Variants in EYS observed in about 807,000 individuals in gnomAD.
The protein encoded by EYS is protein eyes shut homolog.
A neutral mutation model predicts 282.1 loss-of-function variants in EYS; 250 were observed. The observed-to-expected ratio is 0.89, with a 90% CI of 0.80 to 0.98. EYS has a LOEUF of 0.98. Among genes scored for constraint, EYS ranks in the 50% least tolerant of loss-of-function variants. The probability of loss-of-function intolerance (pLI) is 0.00; values close to 1 mark genes in which losing one functional copy is unlikely to be tolerated. For missense variants in EYS, 4,016 were observed against 3,709.0 expected (o/e 1.08, Z -2.15); for synonymous variants, 1,355 against 1,282.9 (o/e 1.06, Z -1.20).
chr6:65,580,281 A>C (rs1032837224), intron 2 of EYS, among the ~76,000 whole-genome samples: 8 of 152,146 alleles, frequency 5.3e-5, no homozygotes, highest in African/African-American at 1.4e-4. Context: ...TTTGAAATAA[A>C]AGTTAATTCA....
chr6:65,381,147 C>T (rs967363592), intron 8 of EYS, among the ~76,000 whole-genome samples: 20 of 152,216 alleles, frequency 1.3e-4, no homozygotes, highest in African/African-American at 4.8e-4. Context: ...AATCATTCTA[C>T]TATAAAGAAG....
At chr6:65,499,797 G>C (rs1271381934) in intron 2 of EYS, among the ~76,000 whole-genome samples, 1 of 151,884 alleles carries the variant, frequency 6.6e-6, no homozygotes, top group East Asian at 1.9e-4. Flanking sequence ...ATAAAACTGA[G>C]AGTACTAGAG....
chr6:65,497,344 G>A lies in EYS; in HGVS notation c.-332-1351C>T, dbSNP rs959517525. On this transcript the variant is annotated intron_variant, in intron 2 of 42. Coordinates refer to ENST00000503581, the MANE Select transcript of EYS (RefSeq NM_001142800.2). The stretch of plus-strand genomic sequence containing the variant: ...TCTAACAGTCTGAGACATGTAGCAA[G>A]GACATTTAGTCCAATCCAGGAAACA... Among the ~76,000 whole-genome samples the A allele has an allele frequency of 2.6e-5, 4 of 152,070 alleles. No individual in the cohort carries two copies. The South Asian group carries it at 6.2e-4, about 24-fold the overall frequency.
chr6:65,169,296 A>G (rs1306519969), intron 12 of EYS, among the ~76,000 whole-genome samples: 2 of 151,498 alleles, frequency 1.3e-5, no homozygotes, highest in Admixed American at 1.3e-4. Context: ...GGAATACCCA[A>G]TGTCCACATA....
intron 31 of EYS, among the ~76,000 whole-genome samples, chr6:64,095,688 T>G (rs180952569): frequency 1.2e-3 from 181 of 152,280 alleles, no homozygotes; most frequent in Middle Eastern, 0.01. Flanking sequence ...AGCACACTGA[T>G]GGGTCTTGAC....
chr6:64,590,732 C>A lies in EYS; in HGVS notation c.5135G>T (p.Gly1712Val). 1.9e-6 allele frequency: 3 copies of A among 1,551,006 alleles called. No individual in the cohort carries two copies. Among genetic ancestry groups the A allele is most frequent in the Non-Finnish European group, 2.6e-6 (3 of 1,146,524 alleles). Residue 1712 changes from glycine (G) to valine (V), a missense_variant, in exon 26 of 43, where the codon GGA becomes GTA. Coordinates refer to ENST00000503581, the MANE Select transcript of EYS (RefSeq NM_001142800.2). The part of the protein sequence containing the change: ...LKIRQYGITM[G>V]PTEVLNQESL... ...CTCTTGATTTAGTACCTCAGTGGGT[C>A]CCATAGTTATGCCATATTGTCTTAT...
intron 18 of EYS, among the ~76,000 whole-genome samples, chr6:64,896,768 G>A (rs1473301037): frequency 6.6e-6 from 1 of 152,060 alleles, no homozygotes; most frequent in South Asian, 2.1e-4. Flanking sequence ...AGTTGAGGGA[G>A]GGGCGTCTGC....
intron 12 of EYS, among the ~76,000 whole-genome samples, chr6:65,131,419 T>A (rs1456446216): frequency 6.6e-6 from 1 of 151,708 alleles, no homozygotes; most frequent in East Asian, 1.9e-4. Context: ...GTCAAGATTA[T>A]AAAAAAATCA....
At chr6:63,944,725 A>C (rs1765343904) in intron 35 of EYS, among the ~76,000 whole-genome samples, 4 of 152,080 alleles carry the variant, frequency 2.6e-5, no homozygotes, top group Admixed American at 2.6e-4. Flanking sequence ...GGTCAGTTTG[A>C]GACCAGCCTG....
intron 2 of EYS, among the ~76,000 whole-genome samples, chr6:65,582,260 A>C (rs1310194884): frequency 6.6e-6 from 1 of 151,924 alleles, no homozygotes; most frequent in Admixed American, 6.6e-5. Context: ...TTGATCTTTT[A>C]CCAGTGTTTT....
At chr6:63,962,031 G>C (rs1458580975) in intron 35 of EYS, among the ~76,000 whole-genome samples, 1 of 152,064 alleles carries the variant, frequency 6.6e-6, no homozygotes, top group Non-Finnish European at 1.5e-5. Flanking sequence ...TTTAATAAAC[G>C]GTGTTGGGAA....
intron 8 of EYS, among the ~76,000 whole-genome samples, chr6:65,364,707 TC>T (rs1764846936): frequency 6.6e-6 from 1 of 151,638 alleles, no homozygotes; most frequent in African/African-American, 2.4e-5. Flanking sequence ...AAAGTTCAGC[TC>T]CTTCTCCCCG....
intron 37 of EYS, among the ~76,000 whole-genome samples, chr6:63,799,502 GC>G (rs1456776180): frequency 2.0e-5 from 3 of 152,178 alleles, no homozygotes; most frequent in African/African-American, 7.2e-5. Context: ...AACTAGGATA[GC>G]CTCTGTCCAC....
chr6:65,394,247 T>C (rs1374707939), intron 7 of EYS, among the ~76,000 whole-genome samples: 1 of 152,070 alleles, frequency 6.6e-6, no homozygotes, highest in Non-Finnish European at 1.5e-5. Flanking sequence ...TGTGTGTGTG[T>C]GTGCAAAATG....
At chr6:65,382,630 A>G (rs1765661678) in intron 8 of EYS, among the ~76,000 whole-genome samples, 1 of 151,934 alleles carries the variant, frequency 6.6e-6, no homozygotes, top group Middle Eastern at 3.2e-3. Flanking sequence ...ACAGGGTCCC[A>G]CAGTAGGCTG....
chr6:64,920,644 C>T (rs1216628192), intron 15 of EYS, among the ~76,000 whole-genome samples: 1 of 152,012 alleles, frequency 6.6e-6, no homozygotes, highest in Admixed American at 6.5e-5. Flanking sequence ...TGTGTATATG[C>T]AAGTATAATA....
At chr6:64,381,751 A>T (rs1440559888) in intron 29 of EYS, among the ~76,000 whole-genome samples, 1 of 152,216 alleles carries the variant, frequency 6.6e-6, no homozygotes, top group African/African-American at 2.4e-5. Context: ...GTGATGCCAG[A>T]TGGTTTTTTA....
intron 2 of EYS, among the ~76,000 whole-genome samples, chr6:65,601,630 G>A (rs1765620154): frequency 6.6e-6 from 1 of 151,874 alleles, no homozygotes; most frequent in African/African-American, 2.4e-5. Flanking sequence ...ATCTAAGATG[G>A]AATAATAGCT....
At chr6:65,663,748 C>G (rs1475981351) in intron 1 of EYS, among the ~76,000 whole-genome samples, 1 of 152,160 alleles carries the variant, frequency 6.6e-6, no homozygotes, top group Non-Finnish European at 1.5e-5. Flanking sequence ...GTGGCACGAT[C>G]TCAGCTCACT....
Sources: gnomAD v4.1 joint callset for allele counts (sites outside exome capture counted in the v4.1 genomes callset) on GRCh38, gnomAD v4.1.1 for gene constraint, MANE v1.5 for transcripts, NCBI Gene and HGNC (gene_info 2026-07-23, HGNC 2026-07-21) for gene names.